PRH1: variants seen among roughly 807,000 people sequenced by gnomAD.
The protein encoded by PRH1 is salivary acidic proline-rich phosphoprotein 1/2.
A neutral mutation model predicts 7.9 loss-of-function variants in PRH1; 7 were observed. The ratio of observed to expected loss-of-function variants is 0.89; its 90% CI spans 0.50 to 1.67. The LOEUF (loss-of-function observed/expected upper bound fraction) is 1.67. Among genes scored for constraint, PRH1 ranks in the 40% most tolerant of loss-of-function variants. PRH1 has a pLI of 0.00. For synonymous variants in PRH1, 45 were observed against 80.8 expected (o/e 0.56, Z 2.38); for missense variants, 109 against 223.6 (o/e 0.49, Z 3.27).
At chr12:11,098,354 C>G (rs1292412250) in intron 1 of PRH1, among the ~76,000 whole-genome samples, 1 of 151,860 alleles carries the variant, frequency 6.6e-6, no homozygotes. Flanking sequence ...GTTCAATGAT[C>G]TCTTTATGGA....
intron 2 of PRH1, among the ~76,000 whole-genome samples, chr12:10,942,028 C>T (rs1212019993): frequency 1.3e-5 from 2 of 152,068 alleles, no homozygotes; most frequent in African/African-American, 4.8e-5. Context: ...CACCAGGCTC[C>T]AGGCTGATAT....
chr12:11,045,779 G>A (rs1942879534), intron 1 of PRH1, among the ~76,000 whole-genome samples: 1 of 151,946 alleles, frequency 6.6e-6, no homozygotes. Flanking sequence ...AAGATTCCTG[G>A]TGCAATTTAA....
chr12:10,886,915 C>A (rs1406165470), upstream of PRH1, among the ~76,000 whole-genome samples: 12 of 152,206 alleles, frequency 7.9e-5, no homozygotes, highest in South Asian at 4.1e-4. Flanking sequence ...TCCTGGAGGA[C>A]TTTACCAGCC....
intron 1 of PRH1, among the ~76,000 whole-genome samples, chr12:11,135,174 C>T (rs531531778): frequency 6.6e-6 from 1 of 151,834 alleles, no homozygotes; most frequent in Non-Finnish European, 1.5e-5. Context: ...TCCTGAGTAC[C>T]AGACCCTTTG....
At chr12:11,084,093 A>T (rs1430144918) in intron 1 of PRH1, among the ~76,000 whole-genome samples, 17,872 of 81,748 alleles carry the variant, frequency 0.22, 989 homozygotes, top group East Asian at 0.3. Context: ...CAGTTTAGAT[A>T]GCACGGTCCA....
rs1949878276 is a variant in PRH1 at position 10,910,326 on chromosome 12, A to G, written c.-58-26051T>C. On this transcript the variant is annotated intron_variant, in intron 2 of 3. Coordinates refer to the PRH1 transcript ENST00000539853. Reference sequence around the variant, plus strand: ...TAAAATAGAACAATTAAAACAATATACTATAATAAAAGTTGCCAGGGGTTG... The same window carrying G: ...TAAAATAGAACAATTAAAACAATATGCTATAATAAAAGTTGCCAGGGGTTG... Among the ~76,000 whole-genome samples, 3 of 152,374 alleles carry G rather than the reference A, an allele frequency of 2.0e-5. No individual in the cohort carries two copies. The South Asian group carries it at 6.2e-4, about 32-fold the overall frequency.
intron 1 of PRH1, among the ~76,000 whole-genome samples, chr12:11,148,330 T>G (rs1039628633): frequency 1.3e-5 from 2 of 151,952 alleles, no homozygotes; most frequent in African/African-American, 4.8e-5. Flanking sequence ...CTATGTTGAA[T>G]AGGAGTGGTG....
chr12:11,138,500 T>C (rs940057999), intron 1 of PRH1, among the ~76,000 whole-genome samples: 13 of 152,202 alleles, frequency 8.5e-5, no homozygotes, highest in African/African-American at 2.9e-4. Context: ...AATATGAATA[T>C]ACATATTTCA....
At position 10,908,491 on chromosome 12, in the gene PRH1, C is replaced by T. The variant is rs1042593012; in HGVS notation, c.-58-24216G>A. On this transcript the variant is annotated intron_variant, in intron 2 of 3. Coordinates refer to the PRH1 transcript ENST00000539853. ...GAGTGGCTTGAAGGAGAGAAGACTC[C>T]AATCGTCTCACAAAGCATGTAGATC... The T allele has an allele frequency of 1.2e-6, 2 of 1,613,734 alleles. No individual in the cohort carries two copies. Among genetic ancestry groups the T allele is most frequent in the Admixed American group, 3.3e-5 (2 of 59,924 alleles).
intron 1 of PRH1, among the ~76,000 whole-genome samples, chr12:10,988,095 C>T (rs1352915770): frequency 6.6e-6 from 1 of 152,060 alleles, no homozygotes; most frequent in African/African-American, 2.4e-5. Flanking sequence ...CTTGATCCAT[C>T]CTAAATTGGC....
rs966931486 is a variant in PRH1 at position 11,095,534 on chromosome 12, A to G, written n.124-48346T>C. 5.8e-4 allele frequency among the ~76,000 whole-genome samples: 51 copies of G among 87,406 alleles called. 13 individuals carry two copies. Among genetic ancestry groups the G allele is most frequent in the Admixed American group, 1.5e-3 (12 of 8,112 alleles). 57.3% of individuals were successfully genotyped at this position (87,406 alleles called of 152,430 possible). On this transcript the variant is annotated intron_variant and non_coding_transcript_variant, in intron 1 of 4. Transcript: ENST00000541977. The stretch of plus-strand genomic sequence containing the variant: ...TTGCATATTCAACTTAATATTTTCA[A>G]TAAGACCCTTTATTGGCCAGGCAGG...
At chr12:10,927,510 T>A (rs1190447154) in intron 2 of PRH1, among the ~76,000 whole-genome samples, 1 of 152,226 alleles carries the variant, frequency 6.6e-6, no homozygotes, top group Non-Finnish European at 1.5e-5. Flanking sequence ...CAATTAAGAA[T>A]GCATTCCCAC....
chr12:10,975,201 C>A (rs1939027236), intron 1 of PRH1, among the ~76,000 whole-genome samples: 1 of 152,192 alleles, frequency 6.6e-6, no homozygotes, highest in Non-Finnish European at 1.5e-5. Flanking sequence ...AAGGGAACCC[C>A]ATCAGGCTAA....
chr12:10,968,221 T>C (rs569439228), intron 2 of PRH1, among the ~76,000 whole-genome samples: 1 of 152,366 alleles, frequency 6.6e-6, no homozygotes, highest in East Asian at 1.9e-4. Context: ...TAGTTTAAGG[T>C]CATCCATAAA....
chr12:11,132,956 A>G (rs1410369948), intron 1 of PRH1: 4 of 231,708 alleles, frequency 1.7e-5, no homozygotes, highest in Admixed American at 5.2e-5. Flanking sequence ...TTAGTTCTTA[A>G]TAATTATAAA....
At chr12:11,102,932 C>T (rs897802266) in intron 1 of PRH1, among the ~76,000 whole-genome samples, 1 of 152,158 alleles carries the variant, frequency 6.6e-6, no homozygotes, top group Non-Finnish European at 1.5e-5. Flanking sequence ...CTAAAAGACA[C>T]ACGAAAAAAT....
chr12:11,026,749 T>C (rs2136087342), intron 1 of PRH1, among the ~76,000 whole-genome samples: 1 of 152,318 alleles, frequency 6.6e-6, no homozygotes, highest in South Asian at 2.1e-4. Context: ...TCACAAATGC[T>C]TTCCAGGATG....
rs1160985083 is a variant in PRH1 at position 11,089,629 on chromosome 12, C to A, written n.124-42441G>T. Among the ~76,000 whole-genome samples, 3 of 44,566 alleles carry A rather than the reference C, an allele frequency of 6.7e-5. No individual in the cohort carries two copies. In the East Asian group the frequency reaches 2.0e-3, roughly 30 times the overall value. The allele number at this position is 44,566 out of a possible 152,430, so 29.2% of individuals were successfully genotyped here. A position where few individuals can be genotyped will look rare whatever the true frequency, so the allele number is the denominator to read the frequency against. ...GTTAGCACTTTAATAACAGGTATTA[C>A]ATTAAAAACATTTTGGTAAAGTAGC... is the stretch of plus-strand genomic sequence containing the variant. On this transcript the variant is annotated intron_variant and non_coding_transcript_variant, in intron 1 of 4. Coordinates refer to the PRH1 transcript ENST00000541977.
At chr12:10,939,083 G>C (rs1950348560) in intron 2 of PRH1, 9 of 1,614,008 alleles carry the variant, frequency 5.6e-6, no homozygotes, top group Non-Finnish European at 7.6e-6. Flanking sequence ...ATCAACCGAA[G>C]AGATCTTTCT....
Sources: gnomAD v4.1 joint callset for allele counts (sites outside exome capture counted in the v4.1 genomes callset) on GRCh38, gnomAD v4.1.1 for gene constraint, MANE v1.5 for transcripts, NCBI Gene and HGNC (gene_info 2026-07-23, HGNC 2026-07-21) for gene names.